The following MYRFL variants were observed in gnomAD, a reference collection of about 807,000 sequenced individuals.
MYRFL encodes myelin regulatory factor-like protein.
In MYRFL, 88 loss-of-function variants were observed where a neutral mutation model predicts 109.4. The observed-to-expected ratio is 0.80, with a 90% confidence interval of 0.68 to 0.96. MYRFL has a LOEUF of 0.96. MYRFL is among the 40% of genes least tolerant of loss of function. The probability of loss-of-function intolerance (pLI) is 0.00; values close to 1 mark genes in which losing one functional copy is unlikely to be tolerated. For missense variants in MYRFL, 957 were observed against 954.9 expected (o/e 1.00, Z -0.03); for synonymous variants, 324 against 320.9 (o/e 1.01, Z -0.10).
chr12:69,901,392 T>C (rs1954175905), intron 10 of MYRFL, among the ~76,000 whole-genome samples: 2 of 152,230 alleles, frequency 1.3e-5, no homozygotes, highest in African/African-American at 4.8e-5. Flanking sequence ...TGAGGAATTC[T>C]CCCTAGGGCT....
At chr12:69,884,025 G>A (rs944761929) in intron 5 of MYRFL, among the ~76,000 whole-genome samples, 18 of 152,202 alleles carry the variant, frequency 1.2e-4, no homozygotes, top group African/African-American at 4.1e-4. Flanking sequence ...ATTATTGACA[G>A]GGGGCATGTA....
chr12:69,863,948 C>T (rs1052988989), intron 2 of MYRFL, among the ~76,000 whole-genome samples: 1 of 152,256 alleles, frequency 6.6e-6, no homozygotes, highest in African/African-American at 2.4e-5. Flanking sequence ...GTTTTTTCCT[C>T]CCACAGCATT....
At position 69,926,712 on chromosome 12, in the gene MYRFL, G is replaced by C; in HGVS notation, c.1744G>C (p.Ala582Pro). The change falls in exon 14 of 25, where the codon GCC becomes CCC. Residue 582 changes from alanine to proline, a missense_variant. Physicochemically the swap from Ala to Pro is conservative, Grantham distance 27. Transcript: ENST00000552032. ...LKRLSSWKSS[A>P]SEASTISKSS... Reference sequence around the variant, plus strand: ...GCGGCTCAGTAGTTGGAAGTCATCAGCCAGTGAAGCAAGCACAATCAGGTA... The same window carrying C: ...GCGGCTCAGTAGTTGGAAGTCATCACCCAGTGAAGCAAGCACAATCAGGTA... 6.7e-7 allele frequency: 1 copy of C among 1,502,764 alleles called. No individual in the cohort carries two copies. The highest frequency in any genetic ancestry group is 8.9e-7 in the Non-Finnish European group (1 of 1,128,848). The allele number at this position is 1,502,764 out of a possible 1,614,324, so 93.1% of individuals were successfully genotyped here.
At chr12:69,880,392 C>G (rs1004826905) in intron 5 of MYRFL, 100 bp downstream of exon 5, 5 of 614,658 alleles carry the variant, frequency 8.1e-6, no homozygotes, top group African/African-American at 1.9e-5. Context: ...AAAAGTTTCC[C>G]TCTCACAGAA....
At chr12:69,891,603 T>TTCTTTCTTTCTC (rs762303793) in intron 7 of MYRFL, among the ~76,000 whole-genome samples, 1 of 52,692 alleles carries the variant, frequency 1.9e-5, no homozygotes. Flanking sequence ...CTTTCTTTCT[T>TTCTTTCTTTCTC]TCTCTTTCTT....
At chr12:69,853,600 GGCTGGGAAGAGGCGCTCCTC>G (rs1884054431) in intron 1 of MYRFL, among the ~76,000 whole-genome samples, 2 of 146,576 alleles carry the variant, frequency 1.4e-5, no homozygotes, top group Non-Finnish European at 3.0e-5. Flanking sequence ...ACGGGATGGC[GGCTGGGAAGAGGCGCTCCTC>G]ACTTCCCAGA....
intron 1 of MYRFL, among the ~76,000 whole-genome samples, chr12:69,840,396 C>G (rs932085593): frequency 6.6e-6 from 1 of 152,178 alleles, no homozygotes; most frequent in Non-Finnish European, 1.5e-5. Flanking sequence ...ATAATTTCCT[C>G]TACATTTCTC....
chr12:69,958,452 C>G lies in MYRFL; in HGVS notation c.2654C>G (p.Ala885Gly). The change falls in exon 25 of 25, where the codon GCT becomes GGT. Residue 885 changes from alanine to glycine, a missense_variant. Ala to Gly is a moderately conservative substitution (Grantham distance 60, BLOSUM62 0). Transcript: ENST00000552032. Reference sequence around the variant, plus strand: ...TTTCTCCTTTTCTGACAGGATTTAGCTGACTGTTCAACTGATCCTTATTTT... The same window carrying G: ...TTTCTCCTTTTCTGACAGGATTTAGGTGACTGTTCAACTGATCCTTATTTT... Reference protein sequence around the residue: ...FHFRVAAPDLADCSTDPYFAG... With the variant: ...FHFRVAAPDLGDCSTDPYFAG... The G allele has an allele frequency of 6.5e-7, 1 of 1,530,434 alleles. No individual in the cohort carries two copies. The highest frequency in any genetic ancestry group is 8.7e-7 in the Non-Finnish European group (1 of 1,145,014). The allele number at this position is 1,530,434 out of a possible 1,614,324, so 94.8% of individuals were successfully genotyped here. A position where few individuals can be genotyped will look rare whatever the true frequency, so the allele number is the denominator to read the frequency against.
Position 69,881,577 on chromosome 12 carries a change from C to T in MYRFL, c.556+1285C>T, listed in dbSNP as rs571929877. 1.8e-4 allele frequency among the ~76,000 whole-genome samples: 28 copies of T among 152,346 alleles called. No homozygotes were observed. In the South Asian group the frequency reaches 5.0e-3, roughly 27 times the overall value. Reference sequence around the variant, plus strand: ...GAGGGACCTTTGGCGTCAGCTCCAGCGTGGGCTGTGGAGGCCTTCTGTGGA... The same window carrying T: ...GAGGGACCTTTGGCGTCAGCTCCAGTGTGGGCTGTGGAGGCCTTCTGTGGA... On this transcript the variant is annotated intron_variant, in intron 5 of 24. Transcript: ENST00000552032.
intron 11 of MYRFL, among the ~76,000 whole-genome samples, chr12:69,907,073 G>T (rs1475483124): frequency 6.6e-6 from 1 of 152,146 alleles, no homozygotes; most frequent in Non-Finnish European, 1.5e-5. Context: ...TTCCTGGGAG[G>T]ATTCAAAGAA....
At chr12:69,913,291 A>T (rs969862654) in intron 13 of MYRFL, among the ~76,000 whole-genome samples, 2 of 152,096 alleles carry the variant, frequency 1.3e-5, no homozygotes, top group African/African-American at 2.4e-5. Flanking sequence ...TTATGTACAA[A>T]AGTTTTAAAT....
chr12:69,887,604 T>C (rs1162642651), intron 6 of MYRFL, among the ~76,000 whole-genome samples: 3 of 152,242 alleles, frequency 2.0e-5, no homozygotes, highest in African/African-American at 7.2e-5. Flanking sequence ...TTTCTTAGCA[T>C]GTAATTTACC....
chr12:69,934,313 T>C (rs1955376937), intron 16 of MYRFL, among the ~76,000 whole-genome samples: 1 of 152,200 alleles, frequency 6.6e-6, no homozygotes, highest in South Asian at 2.1e-4. Flanking sequence ...CATGCAGGGC[T>C]CATGGCCAGT....
chr12:69,848,288 C>T (rs1456634794), intron 1 of MYRFL, among the ~76,000 whole-genome samples: 1 of 151,850 alleles, frequency 6.6e-6, no homozygotes, highest in Non-Finnish European at 1.5e-5. Flanking sequence ...CATTAGCATT[C>T]TTTGAGATAA....
intron 7 of MYRFL, among the ~76,000 whole-genome samples, chr12:69,892,797 T>A (rs1161180234): frequency 6.6e-6 from 1 of 152,262 alleles, no homozygotes; most frequent in Non-Finnish European, 1.5e-5. Context: ...TAGAAATGTA[T>A]GAAAAAGAGA....
intron 2 of MYRFL, among the ~76,000 whole-genome samples, chr12:69,878,116 G>C (rs375287702): frequency 4.6e-5 from 7 of 151,830 alleles, no homozygotes; most frequent in Non-Finnish European, 8.8e-5. Context: ...GGTGGCAGGC[G>C]CCTGTAATCC....
rs185037287 is a variant in MYRFL at position 69,845,350 on chromosome 12, A to G, written c.47-9930A>G. 2.0e-4 allele frequency among the ~76,000 whole-genome samples: 30 copies of G among 152,260 alleles called. 1 individual carries two copies. The highest frequency in any genetic ancestry group is 7.2e-4 in the African/African-American group (30 of 41,534). On this transcript the variant is annotated intron_variant, in intron 1 of 24. Transcript: ENST00000552032. ...TAGGTCCTTAGTAAATTGTGGTTGA[A>G]TCTATGAAAGAATGAAGATGTCTTG...
chr12:69,871,644 A>G (rs1885363207), intron 2 of MYRFL, among the ~76,000 whole-genome samples: 3 of 152,212 alleles, frequency 2.0e-5, no homozygotes, highest in South Asian at 2.1e-4. Context: ...TAATTTTCTT[A>G]TATCACATCT....
chr12:69,935,827 G>T (rs1955434910), intron 16 of MYRFL: 1 of 412,220 alleles, frequency 2.4e-6, no homozygotes, highest in Non-Finnish European at 4.3e-6. Flanking sequence ...CTAGTGACAG[G>T]CACCTCTGAG....
Sources: gnomAD v4.1 joint callset for allele counts (sites outside exome capture counted in the v4.1 genomes callset) on GRCh38, gnomAD v4.1.1 for gene constraint, MANE v1.5 for transcripts, NCBI Gene and HGNC (gene_info 2026-07-23, HGNC 2026-07-21) for gene names.